The following PCDHGA4 variants were observed in gnomAD, a reference collection of about 807,000 sequenced individuals.
PCDHGA4 encodes protocadherin gamma-A4.
Under a neutral mutation model 54.6 loss-of-function variants are expected in PCDHGA4, and 38 were observed. The observed-to-expected ratio is 0.70, with a 90% CI of 0.54 to 0.91. PCDHGA4 has a LOEUF of 0.91. Among genes scored for constraint, PCDHGA4 ranks in the 40% least tolerant of loss-of-function variants. PCDHGA4 has a pLI of 0.00. For synonymous variants in PCDHGA4, 511 were observed against 512.9 expected (o/e 1.00, Z 0.05); for missense variants, 1,298 against 1,220.9 (o/e 1.06, Z -0.94).
At chr5:141,422,984 G>T in intron 1 of PCDHGA4, 2 of 1,614,230 alleles carry the variant, frequency 1.2e-6, no homozygotes, top group Non-Finnish European at 1.7e-6. Flanking sequence ...GCGGAACCTG[G>T]CTACCTGGTG....
chr5:141,435,603 T>C (rs1195458514), intron 1 of PCDHGA4, among the ~76,000 whole-genome samples: 1 of 152,218 alleles, frequency 6.6e-6, no homozygotes, highest in African/African-American at 2.4e-5. Flanking sequence ...GCCTGCTTTT[T>C]ACATTAAATT....
intron 1 of PCDHGA4, among the ~76,000 whole-genome samples, chr5:141,480,151 C>T (rs543997143): frequency 1.3e-5 from 2 of 152,162 alleles, no homozygotes; most frequent in African/African-American, 4.8e-5. Context: ...TTAGCCAGCT[C>T]CTAGCATTTT....
chr5:141,404,466 T>C lies in PCDHGA4; in HGVS notation c.2514+46845T>C, dbSNP rs536211455. ...CAAGGGTCTCCTCTCTCCACCTATG[T>C]CTCTATTAACTCAGACACTGGTGTG... On this transcript the variant is annotated intron_variant, in intron 1 of 3. Transcript: ENST00000571252. 28 of 1,613,558 alleles carry C rather than the reference T, an allele frequency of 1.7e-5. No individual in the cohort carries two copies. Among genetic ancestry groups the C allele is most frequent in the East Asian group, 2.2e-5 (1 of 44,882 alleles).
intron 1 of PCDHGA4, chr5:141,374,321 C>T (rs763545631): frequency 8.7e-6 from 14 of 1,613,942 alleles, no homozygotes; most frequent in Non-Finnish European, 5.1e-6. Context: ...TCTGAATCCG[C>T]GAAACGGCAG....
chr5:141,362,588 GT>G (rs1561527574), intron 1 of PCDHGA4: 1 of 1,592,210 alleles, frequency 6.3e-7, no homozygotes, highest in African/African-American at 1.4e-5. Flanking sequence ...TTCACTTCTG[GT>G]TTTATTGTTT....
At chr5:141,436,707 T>C (rs985035872) in intron 1 of PCDHGA4, among the ~76,000 whole-genome samples, 18 of 152,208 alleles carry the variant, frequency 1.2e-4, no homozygotes, top group African/African-American at 4.3e-4. Context: ...GCACACTCGA[T>C]GTTCTGTTGG....
chr5:141,371,628 C>G (rs1247615659), intron 1 of PCDHGA4: 1 of 1,614,006 alleles, frequency 6.2e-7, no homozygotes, highest in Non-Finnish European at 8.5e-7. Flanking sequence ...AGCCCTGGAC[C>G]GGGAGCAGAT....
chr5:141,468,939 G>A (rs2099186103), intron 1 of PCDHGA4, among the ~76,000 whole-genome samples: 1 of 144,350 alleles, frequency 6.9e-6, no homozygotes, highest in Non-Finnish European at 1.5e-5. Context: ...ATGGGAGATG[G>A]GGTAAACCTG....
rs773688197 is a variant in PCDHGA4 at position 141,432,412 on chromosome 5, C to A, written c.2515-62395C>A. 2.5e-6 allele frequency: 4 copies of A among 1,614,128 alleles called. No homozygotes were observed. The Admixed American group carries it at 6.7e-5, about 27-fold the overall frequency. On this transcript the variant is annotated intron_variant, in intron 1 of 3. Transcript: ENST00000571252. The surrounding 1 kb of genome is among the most constrained non-coding windows in gnomAD (Gnocchi z 6.0). ...GCAGCAACGTGTCGTTGAGCCTGTT[C>A]GTGCTGGACCAGAACGACAATGCGC...
chr5:141,409,490 C>G (rs780688280), intron 1 of PCDHGA4: 12 of 1,613,892 alleles, frequency 7.4e-6, no homozygotes, highest in Non-Finnish European at 1.0e-5. Context: ...CAGGGGCAAG[C>G]CGCCTCTTTC....
chr5:141,364,884 G>C, intron 1 of PCDHGA4: 1 of 1,614,002 alleles, frequency 6.2e-7, no homozygotes, highest in Non-Finnish European at 8.5e-7. Context: ...GTGGTAAGCG[G>C]AACTGATGGA....
intron 1 of PCDHGA4, chr5:141,423,595 G>A: frequency 6.2e-7 from 1 of 1,613,216 alleles, no homozygotes; most frequent in Non-Finnish European, 8.5e-7. Flanking sequence ...TGAGAAAAGC[G>A]AGCCACTCTT....
chr5:141,374,644 T>C (rs767129187), intron 1 of PCDHGA4: 85 of 1,612,642 alleles, frequency 5.3e-5, no homozygotes, highest in Middle Eastern at 3.3e-4. Context: ...GCGAAGCCCA[T>C]GGGCCCAAGT....
intron 1 of PCDHGA4, chr5:141,414,518 A>G (rs746198767): frequency 1.9e-6 from 3 of 1,614,000 alleles, no homozygotes; most frequent in Non-Finnish European, 2.5e-6. Flanking sequence ...CAAGTGGCAG[A>G]TATCAATGAC....
chr5:141,478,323 G>C, intron 1 of PCDHGA4: 1 of 1,613,958 alleles, frequency 6.2e-7, no homozygotes, highest in Non-Finnish European at 8.5e-7. Flanking sequence ...TCACTGTACC[G>C]AACACCAGGG....
intron 1 of PCDHGA4, among the ~76,000 whole-genome samples, chr5:141,444,152 ATTTTTTTTTTTTTTTTTT>A (rs747671382): frequency 4.1e-4 from 14 of 33,898 alleles, no homozygotes; most frequent in South Asian, 2.1e-3. Flanking sequence ...TGTGTACTGG[ATTTTTTTTTTTTTTTTTT>A]TTTTTTTTTT....
rs560131895 is a variant in PCDHGA4 at position 141,355,962 on chromosome 5, C to G, written c.855C>G (p.Asn285Lys). 2.5e-6 allele frequency: 4 copies of G among 1,613,898 alleles called. No individual in the cohort carries two copies. Among genetic ancestry groups the G allele is most frequent in the Non-Finnish European group, 3.4e-6 (4 of 1,179,866 alleles). The change falls in exon 1 of 4, where the codon AAC (asparagine) becomes AAG (lysine). Residue 285 changes from asparagine (N) to lysine (K), a missense_variant. Coordinates refer to ENST00000571252, the MANE Select transcript of PCDHGA4 (RefSeq NM_018917.4). ...QPEYHVSVRE[N>K]VPVGTRLLTV... ...AGTACCACGTAAGTGTTCGTGAGAA[C>G]GTTCCTGTAGGCACTCGGCTACTCA... is the stretch of plus-strand genomic sequence containing the variant.
chr5:141,420,022 T>A, intron 1 of PCDHGA4: 3 of 1,614,104 alleles, frequency 1.9e-6, no homozygotes, highest in Middle Eastern at 3.3e-4. Flanking sequence ...CTTTCAGCCC[T>A]ACTGCAGGAG....
At position 141,485,240 on chromosome 5, in the gene PCDHGA4, C is replaced by G; in HGVS notation, c.2515-9567C>G. On this transcript the variant is annotated intron_variant, in intron 1 of 3. Coordinates refer to ENST00000571252, the MANE Select transcript of PCDHGA4 (RefSeq NM_018917.4). This position sits in a 1 kb window ranked among gnomAD's most constrained non-coding sequence, Gnocchi z 5.7. The stretch of plus-strand genomic sequence containing the variant: ...GGCTACCCTTTTGTTCCTCTTTTAC[C>G]ACCTGGGTTACGTTTGTGGGCAGAT... The G allele has an allele frequency of 6.2e-7, 1 of 1,614,174 alleles. No individual in the cohort carries two copies. The highest frequency in any genetic ancestry group is 8.5e-7 in the Non-Finnish European group (1 of 1,180,024).
Sources: gnomAD v4.1 joint callset for allele counts (sites outside exome capture counted in the v4.1 genomes callset) on GRCh38, gnomAD v4.1.1 for gene constraint, Gnocchi (gnomAD v3.1) non-coding constraint, MANE v1.5 for transcripts, NCBI Gene and HGNC (gene_info 2026-07-23, HGNC 2026-07-21) for gene names.